SMG1: variants seen among roughly 807,000 people sequenced by gnomAD.
The protein encoded by SMG1 is SMG1 nonsense mediated mRNA decay associated PI3K related kinase, also known as serine/threonine-protein kinase SMG1.
Under a neutral mutation model 419.9 loss-of-function variants are expected in SMG1, and 22 were observed. The ratio of observed to expected loss-of-function variants is 0.05; its 90% CI spans 0.04 to 0.07. The LOEUF (loss-of-function observed/expected upper bound fraction) is 0.07. Among genes scored for constraint, SMG1 ranks in the 10% least tolerant of loss-of-function variants. SMG1 has a pLI of 1.00. For synonymous variants in SMG1, 1,538 were observed against 1,553.5 expected (o/e 0.99, Z 0.23); for missense variants, 3,185 against 4,342.0 (o/e 0.73, Z 7.49).
chr16:18,853,487 A>G, intron 31 of SMG1, 96 bp downstream of exon 31: 1 of 1,086,784 alleles, frequency 9.2e-7, no homozygotes, highest in Non-Finnish European at 1.3e-6. Context: ...TATACTTTTT[A>G]TGGAAAATTA....
At chr16:18,844,687 T>C (rs2141329417) in intron 39 of SMG1, among the ~76,000 whole-genome samples, 2 of 151,948 alleles carry the variant, frequency 1.3e-5, no homozygotes, top group East Asian at 3.9e-4. Flanking sequence ...ACCTTGCATT[T>C]GCTAAAGTTG....
At chr16:18,843,389 T>C (rs1262056660) in intron 39 of SMG1, among the ~76,000 whole-genome samples, 2 of 152,230 alleles carry the variant, frequency 1.3e-5, no homozygotes, top group African/African-American at 4.8e-5. Context: ...TAATACTTTC[T>C]AATAATCACA....
chr16:18,925,758 A>T (rs1183766482), intron 1 of SMG1, 192 bp downstream of exon 1: 1 of 371,652 alleles, frequency 2.7e-6, no homozygotes, highest in Non-Finnish European at 4.8e-6. Context: ...ACAAGCAGGG[A>T]GGGGAGGCAC....
In SMG1 at chr16:18,892,118, T is replaced by C. The variant is rs140824954; in HGVS notation, c.549+100A>G. 7.7e-3 allele frequency: 6,538 copies of C among 854,138 alleles called. 48 individuals carry two copies. Among genetic ancestry groups the C allele is most frequent in the South Asian group, 0.018 (1,266 of 69,054 alleles). 52.9% of individuals were successfully genotyped at this position (854,138 alleles called of 1,614,324 possible). A position where few individuals can be genotyped will look rare whatever the true frequency, so the allele number is the denominator to read the frequency against. On this transcript the variant is annotated intron_variant, in intron 4 of 62. Coordinates refer to ENST00000446231, the MANE Select transcript of SMG1 (RefSeq NM_015092.5). ...GAGAGCATTAAGTTCTCGATCATCA[T>C]AATACAGACTTTCCCCATTCTTAAA...
chr16:18,877,049 C>T lies in SMG1; in HGVS notation c.1620+82G>A, dbSNP rs74384904. On this transcript the variant is annotated intron_variant, in intron 12 of 62. Coordinates refer to ENST00000446231, the MANE Select transcript of SMG1 (RefSeq NM_015092.5). ...ACATTTCACATTTCACTCAATTTCA[C>T]TTATACAGCCTGGTAAGCAACATTA... is the stretch of plus-strand genomic sequence containing the variant. 6,824 of 956,350 alleles carry T rather than the reference C, an allele frequency of 7.1e-3. 46 individuals are homozygous for T. The highest frequency in any genetic ancestry group is 0.011 in the Middle Eastern group (34 of 3,080). The allele number at this position is 956,350 out of a possible 1,614,324, so 59.2% of individuals were successfully genotyped here.
intron 39 of SMG1, among the ~76,000 whole-genome samples, chr16:18,844,831 A>C (rs2034166704): frequency 6.6e-6 from 1 of 152,174 alleles, no homozygotes; most frequent in Admixed American, 6.5e-5. Context: ...TGGAGCTACA[A>C]AGTAATAAGC....
chr16:18,841,075 C>A (rs1228618802), intron 41 of SMG1, among the ~76,000 whole-genome samples: 2 of 150,786 alleles, frequency 1.3e-5, no homozygotes, highest in African/African-American at 4.9e-5. Flanking sequence ...AAAACAAAAC[C>A]AAAAAAAAGC....
At chr16:18,914,873 A>G (rs1366312288) in intron 1 of SMG1, among the ~76,000 whole-genome samples, 1 of 152,128 alleles carries the variant, frequency 6.6e-6, no homozygotes, top group Non-Finnish European at 1.5e-5. Flanking sequence ...CAATGTGTAA[A>G]AAGACTTTAA....
At chr16:18,922,432 A>G (rs2038232803) in intron 1 of SMG1, among the ~76,000 whole-genome samples, 1 of 152,140 alleles carries the variant, frequency 6.6e-6, no homozygotes, top group Admixed American at 6.5e-5. Context: ...GAACCCATAG[A>G]TTTCAAATAA....
At chr16:18,911,735 T>C (rs1356905968) in intron 1 of SMG1, 1 of 152,088 alleles carries the variant, frequency 6.6e-6, no homozygotes, top group African/African-American at 2.4e-5. Flanking sequence ...GCTTTTTTCA[T>C]GACACCAGCC....
chr16:18,881,645 A>G (rs1432129729), intron 10 of SMG1, among the ~76,000 whole-genome samples: 1 of 152,122 alleles, frequency 6.6e-6, no homozygotes, highest in Non-Finnish European at 1.5e-5. Context: ...TGGATGTGCT[A>G]CATACAGTGC....
intron 26 of SMG1, 104 bp downstream of exon 26, chr16:18,860,563 C>T (rs1432222606): frequency 1.6e-6 from 1 of 626,108 alleles, no homozygotes; most frequent in East Asian, 2.8e-5. Flanking sequence ...TCTGCCCCCA[C>T]AAAAATGTAA....
intron 50 of SMG1, 78 bp from the exon 51 acceptor site, chr16:18,833,244 C>A: frequency 1.1e-5 from 12 of 1,071,494 alleles, no homozygotes; most frequent in Non-Finnish European, 1.5e-5. Flanking sequence ...TAGAGCCATA[C>A]ATTAAGAGCA....
chr16:18,892,100 T>C, intron 4 of SMG1, 118 bp downstream of exon 4: 1 of 776,978 alleles, frequency 1.3e-6, no homozygotes, highest in East Asian at 2.8e-5. Flanking sequence ...TTAGAGAGCA[T>C]TAAGTTCTCG....
chr16:18,924,471 G>A (rs1596675897), intron 1 of SMG1, among the ~76,000 whole-genome samples: 2 of 152,212 alleles, frequency 1.3e-5, no homozygotes, highest in East Asian at 3.9e-4. Context: ...AAAAATAATA[G>A]AAAATCCATT....
intron 36 of SMG1, 73 bp from the exon 37 acceptor site, chr16:18,848,106 A>G: frequency 2.4e-6 from 3 of 1,273,722 alleles, no homozygotes; most frequent in Non-Finnish European, 3.4e-6. Flanking sequence ...TAGGGAAAAC[A>G]CTGATAATCT....
chr16:18,875,075 A>G (rs1187987081), intron 13 of SMG1: 1 of 152,272 alleles, frequency 6.6e-6, no homozygotes, highest in East Asian at 1.9e-4. Flanking sequence ...CACGAAATTC[A>G]CTTATGTTTC....
chr16:18,858,002 G>C (rs547941049), intron 29 of SMG1, 168 bp downstream of exon 29: 14 of 474,772 alleles, frequency 2.9e-5, no homozygotes, highest in African/African-American at 2.4e-4. Context: ...GAACCTTCTG[G>C]GGTAAGACGG....
At position 18,863,830 on chromosome 16, in the gene SMG1, A is replaced by G. The variant is rs1166949693; in HGVS notation, c.3515T>C (p.Leu1172Pro). The stretch of plus-strand genomic sequence containing the variant: ...AGGGGAAGAGTCAGTCGGTTTGGAC[A>G]GCACAGTTTTTCTGGATTCACCTGA... ...SLNGESRKTV[L>P]SKPTDSSPEV... The change falls in exon 25 of 63, where the codon CTG becomes CCG. Residue 1172 changes from leucine (L) to proline (P), a missense_variant. By Grantham distance (98) the Leu-to-Pro change is moderately conservative (BLOSUM62 -3). Around this residue, in one of 27 missense-constraint regions of SMG1, gnomAD observed 121 missense variants for 125.4 expected, o/e 0.96. Transcript: ENST00000446231. 3.2e-6 allele frequency: 5 copies of G among 1,581,670 alleles called. No homozygotes were observed. Among genetic ancestry groups the G allele is most frequent in the South Asian group, 1.1e-5 (1 of 90,250 alleles).
Sources: gnomAD v4.1 joint callset for allele counts (sites outside exome capture counted in the v4.1 genomes callset) on GRCh38, gnomAD v4.1.1 for gene constraint, gnomAD v4.1.1 regional missense constraint, MANE v1.5 for transcripts, NCBI Gene and HGNC (gene_info 2026-07-23, HGNC 2026-07-21) for gene names.